The following HTR7 variants were observed in gnomAD, a reference collection of about 807,000 sequenced individuals.
The protein encoded by HTR7 is 5-HT-7.
A neutral mutation model predicts 34.0 loss-of-function variants in HTR7; 16 were observed. The ratio of observed to expected loss-of-function variants is 0.47; its 90% CI spans 0.32 to 0.71. The LOEUF is 0.71. Among genes scored for constraint, HTR7 ranks in the 30% least tolerant of loss-of-function variants. The probability of loss-of-function intolerance (pLI) is 0.04; values close to 1 mark genes in which losing one functional copy is unlikely to be tolerated. For missense variants in HTR7, 504 were observed against 625.5 expected (o/e 0.81, Z 2.07); for synonymous variants, 265 against 260.2 (o/e 1.02, Z -0.18).
rs1301542767 is a variant in HTR7 at position 90,741,868 on chromosome 10, T to C, written c.*614A>G. The C allele has an allele frequency of 6.6e-6, 1 of 152,542 alleles. No homozygotes were observed. Among genetic ancestry groups the C allele is most frequent in the African/African-American group, 2.4e-5 (1 of 41,422 alleles). 9.4% of individuals were successfully genotyped at this position (152,542 alleles called of 1,614,324 possible). A position where few individuals can be genotyped will look rare whatever the true frequency, so the allele number is the denominator to read the frequency against. ...TGTTCCTGAGTTATACCATAATAAG[T>C]GAGTTAACACAGAAAAGTACATAGG... On this transcript the variant is annotated 3_prime_UTR_variant, in exon 4 of 4. Coordinates refer to ENST00000336152, the MANE Select transcript of HTR7 (RefSeq NM_019859.4).
intron 1 of HTR7, among the ~76,000 whole-genome samples, chr10:90,799,044 T>A (rs1048476806): frequency 6.6e-6 from 1 of 152,146 alleles, no homozygotes; most frequent in Non-Finnish European, 1.5e-5. Flanking sequence ...TTGTAAAACC[T>A]AAGATTAGTG....
chr10:90,828,523 T>A (rs2120039746), intron 1 of HTR7, among the ~76,000 whole-genome samples: 1 of 152,166 alleles, frequency 6.6e-6, no homozygotes, highest in South Asian at 2.1e-4. Flanking sequence ...AAGAAAGGCA[T>A]TATAACTGAT....
At chr10:90,839,878 A>C (rs1291563871) in intron 1 of HTR7, among the ~76,000 whole-genome samples, 1 of 152,174 alleles carries the variant, frequency 6.6e-6, no homozygotes, top group African/African-American at 2.4e-5. Flanking sequence ...TCACACAGGA[A>C]TTGACTGTAA....
chr10:90,839,995 T>C (rs1318315180), intron 1 of HTR7, among the ~76,000 whole-genome samples: 1 of 151,864 alleles, frequency 6.6e-6, no homozygotes, highest in Non-Finnish European at 1.5e-5. Context: ...GGAATGTGTC[T>C]TTATCCACTT....
At chr10:90,845,565 G>T (rs560109253) in intron 1 of HTR7, among the ~76,000 whole-genome samples, 2 of 152,294 alleles carry the variant, frequency 1.3e-5, no homozygotes, top group Admixed American at 1.3e-4. Context: ...CAAGGATATT[G>T]TAAAGATTCT....
At chr10:90,760,315 G>A (rs1429123560) in intron 1 of HTR7, among the ~76,000 whole-genome samples, 2 of 152,162 alleles carry the variant, frequency 1.3e-5, no homozygotes, top group Non-Finnish European at 2.9e-5. Context: ...GAGTAAAAAG[G>A]AGGACAGAGG....
intron 1 of HTR7, among the ~76,000 whole-genome samples, chr10:90,849,583 G>A (rs1290880939): frequency 6.6e-6 from 1 of 152,202 alleles, no homozygotes; most frequent in African/African-American, 2.4e-5. Context: ...ATGTTGAGGA[G>A]TGAGGCAGGG....
At chr10:90,836,138 A>G (rs1348132223) in intron 1 of HTR7, among the ~76,000 whole-genome samples, 1 of 152,112 alleles carries the variant, frequency 6.6e-6, no homozygotes, top group African/African-American at 2.4e-5. Flanking sequence ...CAGCATCTGA[A>G]CTCGATTATT....
chr10:90,789,289 T>A (rs1214319560), intron 1 of HTR7, among the ~76,000 whole-genome samples: 1 of 152,232 alleles, frequency 6.6e-6, no homozygotes, highest in African/African-American at 2.4e-5. Flanking sequence ...TTGACTCTTT[T>A]GTGATTTTTT....
At chr10:90,767,797 G>A (rs1052226386) in intron 1 of HTR7, among the ~76,000 whole-genome samples, 1 of 152,072 alleles carries the variant, frequency 6.6e-6, no homozygotes, top group African/African-American at 2.4e-5. Context: ...AGTTAGCCTA[G>A]GCTTCCTCAG....
At chr10:90,820,113 C>A (rs1216076399) in intron 1 of HTR7, among the ~76,000 whole-genome samples, 1 of 152,138 alleles carries the variant, frequency 6.6e-6, no homozygotes, top group East Asian at 1.9e-4. Context: ...GAATTCACCC[C>A]TGGGGGAATA....
At chr10:90,834,344 T>C (rs1298864701) in intron 1 of HTR7, among the ~76,000 whole-genome samples, 2 of 151,620 alleles carry the variant, frequency 1.3e-5, no homozygotes, top group Non-Finnish European at 2.9e-5. Flanking sequence ...AGATGAACAT[T>C]GTGTTATAAT....
At chr10:90,818,300 G>C (rs1845928000) in intron 1 of HTR7, among the ~76,000 whole-genome samples, 1 of 152,230 alleles carries the variant, frequency 6.6e-6, no homozygotes, top group South Asian at 2.1e-4. Context: ...GCTCAGGCCT[G>C]TAATTCCAGC....
rs1311124517 is a variant in HTR7 at position 90,749,649 on chromosome 10, C to A, written c.540-55G>T. On this transcript the variant is annotated intron_variant, in intron 1 of 3. Coordinates refer to ENST00000336152, the MANE Select transcript of HTR7 (RefSeq NM_019859.4). This position sits in a 1 kb window ranked among gnomAD's most constrained non-coding sequence, Gnocchi z 4.2. ...AACACCGTGATCATAACTGGTCAAC[C>A]AAGCAAGTCCTGCCAGCCAGGTACC... 4.6e-6 allele frequency: 7 copies of A among 1,516,986 alleles called. No homozygotes were observed. Among genetic ancestry groups the A allele is most frequent in the Non-Finnish European group, 6.2e-6 (7 of 1,123,190 alleles). 94.0% of individuals were successfully genotyped at this position (1,516,986 alleles called of 1,614,324 possible). A position where few individuals can be genotyped will look rare whatever the true frequency, so the allele number is the denominator to read the frequency against.
At chr10:90,794,041 T>C (rs1323995630) in intron 1 of HTR7, among the ~76,000 whole-genome samples, 2 of 152,216 alleles carry the variant, frequency 1.3e-5, no homozygotes, top group Non-Finnish European at 2.9e-5. Flanking sequence ...CTGACTCAAA[T>C]GTTAATCTCC....
intron 2 of HTR7, among the ~76,000 whole-genome samples, chr10:90,747,379 G>A (rs1470770985): frequency 2.6e-5 from 4 of 152,144 alleles, no homozygotes; most frequent in Non-Finnish European, 4.4e-5. Context: ...CTCTGGGTTT[G>A]CTTACAGTAC....
At chr10:90,806,351 C>A (rs1039004555) in intron 1 of HTR7, among the ~76,000 whole-genome samples, 2 of 152,198 alleles carry the variant, frequency 1.3e-5, no homozygotes, top group Admixed American at 6.5e-5. Flanking sequence ...GTAATCCCAA[C>A]ACTTTGGGAG....
chr10:90,812,322 G>C (rs1225268383), intron 1 of HTR7, among the ~76,000 whole-genome samples: 1 of 152,002 alleles, frequency 6.6e-6, no homozygotes, highest in Non-Finnish European at 1.5e-5. Flanking sequence ...TGTTTACACT[G>C]CCGGTTTACA....
At chr10:90,775,785 G>A (rs558490755) in intron 1 of HTR7, among the ~76,000 whole-genome samples, 96 of 152,252 alleles carry the variant, frequency 6.3e-4, no homozygotes, top group Non-Finnish European at 1.2e-3. Flanking sequence ...TACAAGAACA[G>A]TGCTTTCTAT....
Sources: allele counts gnomAD v4.1 joint callset (sites outside exome capture counted in the v4.1 genomes callset), GRCh38; gene constraint gnomAD v4.1.1; non-coding constraint Gnocchi (gnomAD v3.1); transcripts MANE v1.5; gene names NCBI Gene and HGNC (gene_info 2026-07-23, HGNC 2026-07-21).